PDE4D: variants seen among roughly 807,000 people sequenced by gnomAD.
PDE4D encodes 3',5'-cyclic-AMP phosphodiesterase 4D.
PDE4D carries 24 observed loss-of-function variants against 87.4 expected under a neutral mutation model. The observed-to-expected ratio is 0.27, with a 90% CI of 0.20 to 0.39. The LOEUF is 0.39. PDE4D is among the 10% of genes least tolerant of loss of function. The pLI, the probability that PDE4D is intolerant of heterozygous loss-of-function variation, is 1.00. For missense variants in PDE4D, 714 were observed against 1,041.0 expected, an observed-to-expected ratio of 0.69 and a Z score of 4.32; for synonymous variants, 384 against 383.2, an observed-to-expected ratio of 1.00 and a Z score of -0.02.
intron 1 of PDE4D, among the ~76,000 whole-genome samples, chr5:60,284,475 C>CCA (rs1752227893): frequency 6.6e-6 from 1 of 152,132 alleles, no homozygotes; most frequent in Non-Finnish European, 1.5e-5. Flanking sequence ...AACCGTAACA[C>CCA]TAAAGTCCTA....
At chr5:59,004,387 T>C (rs183282061) in intron 6 of PDE4D, among the ~76,000 whole-genome samples, 58 of 152,304 alleles carry the variant, frequency 3.8e-4, no homozygotes, top group African/African-American at 1.4e-3. Context: ...TTAGTGCATA[T>C]ACATAAGGCT....
chr5:60,407,507 G>A (rs370649226), intron 1 of PDE4D, among the ~76,000 whole-genome samples: 2 of 124,952 alleles, frequency 1.6e-5, no homozygotes, highest in Middle Eastern at 5.1e-3. Flanking sequence ...AGGCTGGAGT[G>A]CAGTGGCACG....
chr5:59,424,150 T>A (rs1365179646), intron 1 of PDE4D, among the ~76,000 whole-genome samples: 1 of 152,052 alleles, frequency 6.6e-6, no homozygotes, highest in Non-Finnish European at 1.5e-5. Flanking sequence ...ATGGGGAAGG[T>A]CCCTGGGTAA....
In PDE4D at chr5:60,022,474, C is replaced by T. The variant is rs1325932715; in HGVS notation, c.43-33757G>A. 2 of 152,014 alleles carry T rather than the reference C, an allele frequency of 1.3e-5. 1 individual carries two copies. Among genetic ancestry groups the T allele is most frequent in the Non-Finnish European group, 2.9e-5 (2 of 68,016 alleles). 9.4% of individuals were successfully genotyped at this position (152,014 alleles called of 1,614,324 possible). On this transcript the variant is annotated intron_variant, in intron 2 of 16. Transcript: ENST00000502484. ...TAAATGTTTTCCTTTAATCATAATC[C>T]AATTTTTAAAATGTGAAAACCAATT...
At chr5:60,040,435 G>A (rs979504280) in intron 2 of PDE4D, among the ~76,000 whole-genome samples, 10 of 152,272 alleles carry the variant, frequency 6.6e-5, no homozygotes, top group African/African-American at 2.4e-4. Flanking sequence ...TCCACCTGTA[G>A]ATGTAGAATA....
At position 59,521,124 on chromosome 5, in the gene PDE4D, AT is replaced by A. The variant is rs1423436707; in HGVS notation, c.456-305157del. Among the ~76,000 whole-genome samples the A allele has an allele frequency of 6.4e-4, 96 of 150,454 alleles. 1 individual carries two copies. The highest frequency in any genetic ancestry group is 2.0e-3 in the African/African-American group (81 of 41,030). ...TAGGAGATCACTAAAAAAAAAAAAA[AT>A]CTCTGCTGCAAAATAAAACTAATGG... On this transcript the variant is annotated intron_variant, in intron 1 of 14. Transcript: ENST00000340635.
rs777601304 is a variant in PDE4D, at chr5:59,030,324, C to G, written c.921+8535G>C. Among the ~76,000 whole-genome samples, 85 of 144,864 alleles carry G rather than the reference C, an allele frequency of 5.9e-4. 1 individual carries two copies. In the Middle Eastern group the frequency reaches 0.011, roughly 19 times the overall value. On this transcript the variant is annotated intron_variant, in intron 6 of 14. Transcript: ENST00000340635. ...ATTCAAAATATATAAAAAATTCAAA[C>G]AACCAAATAGTAAGAAAACAAATCG...
chr5:59,495,330 C>G (rs904094206), intron 1 of PDE4D, among the ~76,000 whole-genome samples: 1 of 152,186 alleles, frequency 6.6e-6, no homozygotes, highest in Admixed American at 6.5e-5. Flanking sequence ...TCTACTTACT[C>G]CATTCTCTTT....
At chr5:59,172,050 TATATATATTATATATATAATAA>T (rs1561622984) in intron 5 of PDE4D, among the ~76,000 whole-genome samples, 21 of 3,088 alleles carry the variant, frequency 6.8e-3, no homozygotes, top group Admixed American at 0.017. Flanking sequence ...ATATATAATA[TATATATATTATATATATAATAA>T]ATATATATTA....
intron 5 of PDE4D, chr5:59,157,050 G>T: frequency 6.3e-6 from 2 of 319,224 alleles, no homozygotes; most frequent in Non-Finnish European, 1.1e-5. Context: ...CCACATGTAT[G>T]TTGTTTTTTC....
intron 1 of PDE4D, among the ~76,000 whole-genome samples, chr5:60,436,655 T>C (rs1347367038): frequency 2.0e-5 from 3 of 152,104 alleles, no homozygotes; most frequent in Non-Finnish European, 4.4e-5. Flanking sequence ...CCTAAGCTAC[T>C]TGCAGGTGGC....
intron 1 of PDE4D, among the ~76,000 whole-genome samples, chr5:59,500,862 T>G (rs1808177511): frequency 6.6e-6 from 1 of 152,190 alleles, no homozygotes; most frequent in Non-Finnish European, 1.5e-5. Flanking sequence ...AACCCTTTAT[T>G]TCTTCTTTTT....
intron 1 of PDE4D, among the ~76,000 whole-genome samples, chr5:60,240,705 A>T (rs145105931): frequency 2.0e-4 from 30 of 152,186 alleles, no homozygotes; most frequent in African/African-American, 7.2e-4. Flanking sequence ...TGTTTGGGAG[A>T]AAGTAACGGA....
intron 1 of PDE4D, among the ~76,000 whole-genome samples, chr5:59,771,466 A>AAAGAAAGAGAGAGAG (rs1763472423): frequency 6.5e-5 from 5 of 76,442 alleles, no homozygotes; most frequent in African/African-American, 3.0e-4. Flanking sequence ...AGAAAGAAAG[A>AAAGAAAGAGAGAGAG]AAGAAAGAAA....
At chr5:59,845,434 C>T (rs1403383169) in intron 1 of PDE4D, among the ~76,000 whole-genome samples, 1 of 152,046 alleles carries the variant, frequency 6.6e-6, no homozygotes, top group Non-Finnish European at 1.5e-5. Context: ...TGGCAGTTGC[C>T]TATTTTCTCA....
chr5:60,314,154 G>A (rs1755311491), intron 1 of PDE4D, among the ~76,000 whole-genome samples: 1 of 151,596 alleles, frequency 6.6e-6, no homozygotes, highest in Non-Finnish European at 1.5e-5. Flanking sequence ...CAAACTATCT[G>A]TATGCAGACA....
intron 1 of PDE4D, among the ~76,000 whole-genome samples, chr5:59,869,561 C>A (rs1248107291): frequency 6.6e-6 from 1 of 152,132 alleles, no homozygotes; most frequent in Non-Finnish European, 1.5e-5. Flanking sequence ...AAAGGTATTA[C>A]AGACACTTGT....
intron 1 of PDE4D, among the ~76,000 whole-genome samples, chr5:59,811,908 C>T (rs1038043620): frequency 2.6e-5 from 4 of 152,172 alleles, no homozygotes; most frequent in African/African-American, 9.7e-5. Flanking sequence ...AATAAATTCC[C>T]TCATATCTCT....
intron 5 of PDE4D, among the ~76,000 whole-genome samples, chr5:59,082,351 A>C (rs1766913788): frequency 6.6e-6 from 1 of 152,192 alleles, no homozygotes; most frequent in Non-Finnish European, 1.5e-5. Context: ...AACGTAAGCA[A>C]CCAAACAAGA....
Sources: gnomAD v4.1 joint callset for allele counts (sites outside exome capture counted in the v4.1 genomes callset) on GRCh38, gnomAD v4.1.1 for gene constraint, MANE v1.5 for transcripts, NCBI Gene and HGNC (gene_info 2026-07-23, HGNC 2026-07-21) for gene names.